The following PHACTR1 variants were observed in gnomAD, a reference collection of about 807,000 sequenced individuals.
PHACTR1 encodes RPEL repeat containing 1.
Under a neutral mutation model 69.2 loss-of-function variants are expected in PHACTR1, and 16 were observed. That is an observed-to-expected ratio of 0.23 (90% CI 0.16 to 0.35). PHACTR1 has a LOEUF of 0.35. Ranked by LOEUF, PHACTR1 falls within the 10% of genes least tolerant of loss-of-function variation. The probability of loss-of-function intolerance (pLI) is 1.00; values close to 1 mark genes in which losing one functional copy is unlikely to be tolerated. For synonymous variants in PHACTR1, 312 were observed against 284.5 expected (o/e 1.10, Z -0.97); for missense variants, 510 against 734.7 (o/e 0.69, Z 3.54).
At chr6:12,747,401 T>TG (rs1016019933) in intron 3 of PHACTR1, among the ~76,000 whole-genome samples, 7 of 152,254 alleles carry the variant, frequency 4.6e-5, no homozygotes, top group Non-Finnish European at 7.4e-5. Flanking sequence ...TGGTGGCTCA[T>TG]GCTTGTATTC....
Position 13,227,871 on chromosome 6 carries a change from G to C in PHACTR1, c.1042G>C (p.Gly348Arg). ...TSYHSSGLHS[G>R]DGVTKAGPMG... ...TTACCACAGCTCTGGGTTGCACTCG[G>C]GTGATGGGGTCACCAAAGCAGGACC... The change falls in exon 9 of 15, where the codon GGT becomes CGT. Residue 348 changes from glycine (G) to arginine (R), a missense_variant. Transcript: ENST00000332995. The C allele has an allele frequency of 6.2e-7, 1 of 1,614,006 alleles. No individual in the cohort carries two copies. Among genetic ancestry groups the C allele is most frequent in the Non-Finnish European group, 8.5e-7 (1 of 1,179,904 alleles).
chr6:13,268,371 A>C (rs993106417), intron 10 of PHACTR1, among the ~76,000 whole-genome samples: 3 of 152,256 alleles, frequency 2.0e-5, no homozygotes, highest in African/African-American at 4.8e-5. Context: ...GTAAAGTATC[A>C]TAGTTATGGC....
At chr6:13,210,004 T>C (rs1055362816) in intron 8 of PHACTR1, among the ~76,000 whole-genome samples, 3 of 152,094 alleles carry the variant, frequency 2.0e-5, no homozygotes, top group African/African-American at 7.2e-5. Context: ...GAAGTTACTT[T>C]TTATTTATAT....
chr6:13,092,348 C>A (rs1813425017), intron 5 of PHACTR1, among the ~76,000 whole-genome samples: 1 of 152,132 alleles, frequency 6.6e-6, no homozygotes. Context: ...ACAAATATTT[C>A]TTGAACAGTT....
chr6:12,821,417 C>A (rs1313087450), intron 4 of PHACTR1, among the ~76,000 whole-genome samples: 3 of 142,850 alleles, frequency 2.1e-5, no homozygotes, highest in African/African-American at 5.2e-5. Context: ...GAGCTGAGAT[C>A]GCACCACTGC....
chr6:13,200,325 C>G (rs1765036810), intron 7 of PHACTR1, among the ~76,000 whole-genome samples: 1 of 152,154 alleles, frequency 6.6e-6, no homozygotes, highest in Non-Finnish European at 1.5e-5. Context: ...ATTCTCCTGC[C>G]TCAGCCTCCC....
At chr6:12,925,572 G>A (rs1377719739) in intron 4 of PHACTR1, among the ~76,000 whole-genome samples, 2 of 152,172 alleles carry the variant, frequency 1.3e-5, no homozygotes, top group African/African-American at 4.8e-5. Context: ...TAACAGATTT[G>A]CAATAAATAT....
chr6:12,798,198 AG>A (rs1287179744), intron 4 of PHACTR1, among the ~76,000 whole-genome samples: 2 of 152,214 alleles, frequency 1.3e-5, no homozygotes, highest in African/African-American at 4.8e-5. Flanking sequence ...GGAAGGAGAA[AG>A]GAAGGGAGGG....
intron 7 of PHACTR1, among the ~76,000 whole-genome samples, chr6:13,199,140 C>A (rs1285722743): frequency 6.6e-6 from 1 of 152,166 alleles, no homozygotes; most frequent in East Asian, 1.9e-4. Flanking sequence ...GTAATCCCAG[C>A]ACTTTGGGAG....
chr6:13,223,770 C>T (rs1444619240), intron 8 of PHACTR1, among the ~76,000 whole-genome samples: 1 of 152,146 alleles, frequency 6.6e-6, no homozygotes, highest in Non-Finnish European at 1.5e-5. Context: ...GCACCTGTCC[C>T]ATACGGTTGC....
intron 7 of PHACTR1, among the ~76,000 whole-genome samples, chr6:13,195,779 A>AAAAAAAAAAAAAAAAAAAAAAAAAAAAG (rs201554952): frequency 1.0e-4 from 12 of 118,552 alleles, no homozygotes; most frequent in African/African-American, 1.3e-4. Flanking sequence ...AAAAAAAAAA[A>AAAAAAAAAAAAAAAAAAAAAAAAAAAAG]AGTTCATTTG....
intron 4 of PHACTR1, among the ~76,000 whole-genome samples, chr6:12,837,237 C>T (rs1401049833): frequency 2.6e-5 from 4 of 152,054 alleles, no homozygotes; most frequent in Non-Finnish European, 2.9e-5. Flanking sequence ...GAGTTGGACT[C>T]GTTTAGCTTA....
intron 4 of PHACTR1, among the ~76,000 whole-genome samples, chr6:12,941,914 G>A (rs569468464): frequency 2.0e-5 from 3 of 152,280 alleles, no homozygotes; most frequent in African/African-American, 7.2e-5. Context: ...TAACTAAAAT[G>A]CATTTTCTAA....
In PHACTR1 at chr6:13,145,464, T is replaced by C. The variant is rs75926274; in HGVS notation, c.416-14740T>C. Among the ~76,000 whole-genome samples, 831 of 152,298 alleles carry C rather than the reference T, an allele frequency of 5.5e-3. 4 individuals carry two copies. Among genetic ancestry groups the C allele is most frequent in the African/African-American group, 0.018 (768 of 41,568 alleles). ...ATTCAATGACAATTAACTGCTAAAC[T>C]TAATAAAAATGATTTAAGAAGTGAT... On this transcript the variant is annotated intron_variant, in intron 5 of 14. Coordinates refer to ENST00000332995, the MANE Select transcript of PHACTR1 (RefSeq NM_030948.6).
intron 5 of PHACTR1, among the ~76,000 whole-genome samples, chr6:13,121,896 A>G (rs1818797769): frequency 6.6e-6 from 1 of 152,258 alleles, no homozygotes; most frequent in Non-Finnish European, 1.5e-5. Flanking sequence ...TACTGAGTTC[A>G]GAAAATGCAT....
chr6:13,013,680 C>T (rs1799717435), intron 4 of PHACTR1, among the ~76,000 whole-genome samples: 1 of 151,990 alleles, frequency 6.6e-6, no homozygotes, highest in Admixed American at 6.5e-5. Context: ...ACCCCCTCCT[C>T]CGGCTTCGGG....
intron 3 of PHACTR1, among the ~76,000 whole-genome samples, chr6:12,734,873 G>T (rs1764028413): frequency 1.3e-5 from 2 of 152,192 alleles, no homozygotes; most frequent in African/African-American, 2.4e-5. Flanking sequence ...AACTGGTTAA[G>T]ATTTCAGTTT....
intron 4 of PHACTR1, among the ~76,000 whole-genome samples, chr6:13,026,390 A>G (rs1034589435): frequency 6.6e-6 from 1 of 152,116 alleles, no homozygotes; most frequent in African/African-American, 2.4e-5. Flanking sequence ...ATTCTGTGAT[A>G]TTTTAAAATT....
intron 4 of PHACTR1, among the ~76,000 whole-genome samples, chr6:12,846,519 T>G (rs1187050448): frequency 1.3e-5 from 2 of 152,188 alleles, no homozygotes; most frequent in African/African-American, 4.8e-5. Flanking sequence ...GAGTCTAAGA[T>G]TCAGAGCTGC....
Sources: gnomAD v4.1 joint callset for allele counts (sites outside exome capture counted in the v4.1 genomes callset) on GRCh38, gnomAD v4.1.1 for gene constraint, MANE v1.5 for transcripts, NCBI Gene and HGNC (gene_info 2026-07-23, HGNC 2026-07-21) for gene names.